THSD4: variants seen among roughly 807,000 people sequenced by gnomAD.
The protein encoded by THSD4 is thrombospondin type 1 domain containing 4.
A neutral mutation model predicts 119.0 loss-of-function variants in THSD4; 69 were observed. The ratio of observed to expected loss-of-function variants is 0.58; its 90% CI spans 0.48 to 0.71. The LOEUF is 0.71. THSD4 is among the 30% of genes least tolerant of loss of function. The pLI, the probability that THSD4 is intolerant of heterozygous loss-of-function variation, is 0.00. For synonymous variants in THSD4, 524 were observed against 540.4 expected (o/e 0.97, Z 0.42); for missense variants, 1,393 against 1,391.1 (o/e 1.00, Z -0.02).
chr15:71,377,743 A>G (rs981552441), intron 6 of THSD4, among the ~76,000 whole-genome samples: 4 of 152,046 alleles, frequency 2.6e-5, no homozygotes, highest in Non-Finnish European at 4.4e-5. Flanking sequence ...TCTTTTGCTG[A>G]CAAGGTTGCA....
At chr15:71,319,923 A>G (rs566035147) in intron 6 of THSD4, among the ~76,000 whole-genome samples, 1 of 152,338 alleles carries the variant, frequency 6.6e-6, no homozygotes, top group East Asian at 1.9e-4. Context: ...CAGAGCTCTT[A>G]CTGTACTGAC....
intron 7 of THSD4, among the ~76,000 whole-genome samples, chr15:71,548,591 T>C (rs7169315): frequency 0.28 from 42,080 of 152,130 alleles, 6,204 homozygotes; most frequent in Middle Eastern, 0.44. Context: ...GGCTTTTCAC[T>C]TATTAGTTAC....
intron 7 of THSD4, among the ~76,000 whole-genome samples, chr15:71,476,801 TA>T (rs1373445209): frequency 1.3e-5 from 2 of 152,218 alleles, no homozygotes; most frequent in Non-Finnish European, 2.9e-5. Context: ...TCCCCATCTC[TA>T]CCCAGCATCA....
intron 7 of THSD4, among the ~76,000 whole-genome samples, chr15:71,498,661 A>G (rs966356642): frequency 1.3e-5 from 2 of 151,862 alleles, no homozygotes; most frequent in Admixed American, 6.6e-5. Context: ...TGCCTTTTGC[A>G]TGGATCCTGC....
intron 7 of THSD4, among the ~76,000 whole-genome samples, chr15:71,448,875 A>C (rs1287701936): frequency 2.0e-5 from 3 of 152,168 alleles, no homozygotes; most frequent in Admixed American, 6.5e-5. Flanking sequence ...GGGTGGTGAA[A>C]AGTTAAATAT....
chr15:71,465,659 C>T (rs544277460), intron 7 of THSD4, among the ~76,000 whole-genome samples: 3 of 152,290 alleles, frequency 2.0e-5, no homozygotes, highest in South Asian at 2.1e-4. Context: ...AAGCAAACCT[C>T]GTCTGTTGCA....
chr15:71,629,149 A>G (rs1267458860), intron 7 of THSD4, among the ~76,000 whole-genome samples: 1 of 152,138 alleles, frequency 6.6e-6, no homozygotes, highest in Non-Finnish European at 1.5e-5. Context: ...AATCTGAATA[A>G]ACAATGTAGT....
At chr15:71,498,851 A>C (rs1250113581) in intron 7 of THSD4, among the ~76,000 whole-genome samples, 2 of 127,984 alleles carry the variant, frequency 1.6e-5, no homozygotes, top group Non-Finnish European at 1.6e-5. Flanking sequence ...ACACACCACC[A>C]CATTGTACTT....
At chr15:71,278,348 A>G (rs940292818) in intron 6 of THSD4, among the ~76,000 whole-genome samples, 1 of 152,110 alleles carries the variant, frequency 6.6e-6, no homozygotes, top group Non-Finnish European at 1.5e-5. Flanking sequence ...GCCATGCACT[A>G]TACATTTTTG....
At chr15:71,226,424 C>T (rs1268196776) in intron 4 of THSD4, among the ~76,000 whole-genome samples, 1 of 152,052 alleles carries the variant, frequency 6.6e-6, no homozygotes, top group Non-Finnish European at 1.5e-5. Context: ...TTGAAAGGTT[C>T]GTTCATTTTG....
chr15:71,332,835 T>C (rs1052531930), intron 6 of THSD4, among the ~76,000 whole-genome samples: 2 of 150,588 alleles, frequency 1.3e-5, no homozygotes, highest in Non-Finnish European at 3.0e-5. Flanking sequence ...GGGCCACATG[T>C]GGCTCAAGAC....
At chr15:71,168,386 A>G (rs112954621) in intron 3 of THSD4, among the ~76,000 whole-genome samples, 3,063 of 152,328 alleles carry the variant, frequency 0.02, 44 homozygotes, top group South Asian at 0.051. Context: ...TTTTAGCTCC[A>G]CATATGAAAA....
Position 71,199,616 on chromosome 15 carries a change from TGTGG to T in THSD4, c.100-15415_100-15412del, listed in dbSNP as rs1567154674. Among the ~76,000 whole-genome samples, 185 of 144,082 alleles carry T rather than the reference TGTGG, an allele frequency of 1.3e-3. 2 individuals carry two copies. Among genetic ancestry groups the T allele is most frequent in the African/African-American group, 5.0e-3 (183 of 36,546 alleles). 94.5% of individuals were successfully genotyped at this position (144,082 alleles called of 152,430 possible). ...TGTGTGATGTATGGTGTGTGTGGTG[TGTGG>T]GTGTGTGGTGTGTGTGGTGTGTGTG... On this transcript the variant is annotated intron_variant, in intron 3 of 17. Transcript: ENST00000261862.
chr15:71,495,348 C>T lies in THSD4; in HGVS notation c.1152+83525C>T, dbSNP rs562218150. Among the ~76,000 whole-genome samples, 4 of 152,280 alleles carry T rather than the reference C, an allele frequency of 2.6e-5. No homozygotes were observed. The South Asian group carries it at 8.3e-4, about 32-fold the overall frequency. On this transcript the variant is annotated intron_variant, in intron 7 of 17. Coordinates refer to ENST00000261862, the MANE Select transcript of THSD4 (RefSeq NM_024817.3). ...CCAGAGAAGAAAGCCCGCAAGTAGACAGTGGCCCCTCTCAGAGCAGAGTCT... is the reference window on the plus strand; with the variant it reads ...CCAGAGAAGAAAGCCCGCAAGTAGATAGTGGCCCCTCTCAGAGCAGAGTCT...
At chr15:71,356,282 G>A (rs1045158493) in intron 6 of THSD4, among the ~76,000 whole-genome samples, 2 of 152,178 alleles carry the variant, frequency 1.3e-5, no homozygotes, top group Non-Finnish European at 2.9e-5. Flanking sequence ...TCTGGGGCCC[G>A]AAGCCCTTCC....
intron 4 of THSD4, among the ~76,000 whole-genome samples, chr15:71,235,962 C>T (rs112779549): frequency 0.02 from 3,015 of 152,248 alleles, 58 homozygotes; most frequent in Middle Eastern, 0.037. Context: ...ACTTTCCACG[C>T]GGGCAGGGGT....
chr15:71,244,006 C>T (rs1023798958), intron 5 of THSD4, among the ~76,000 whole-genome samples: 1 of 151,528 alleles, frequency 6.6e-6, no homozygotes, highest in Non-Finnish European at 1.5e-5. Flanking sequence ...AGGATGGTTT[C>T]GATCTCTTGA....
At chr15:71,329,266 C>A (rs1411572678) in intron 6 of THSD4, among the ~76,000 whole-genome samples, 1 of 152,096 alleles carries the variant, frequency 6.6e-6, no homozygotes, top group African/African-American at 2.4e-5. Context: ...CGACAGGGAG[C>A]GGGCCAGGCT....
At chr15:71,528,556 G>T (rs139598878) in intron 7 of THSD4, among the ~76,000 whole-genome samples, 1 of 152,126 alleles carries the variant, frequency 6.6e-6, no homozygotes, top group Non-Finnish European at 1.5e-5. Context: ...TTTCTCCCCC[G>T]TGGTTATTAA....
Sources: allele counts gnomAD v4.1 joint callset (sites outside exome capture counted in the v4.1 genomes callset), GRCh38; gene constraint gnomAD v4.1.1; transcripts MANE v1.5; gene names NCBI Gene and HGNC (gene_info 2026-07-23, HGNC 2026-07-21).